KCNN3: variants seen among roughly 807,000 people sequenced by gnomAD.
KCNN3 encodes small conductance calcium-activated potassium channel protein 3.
KCNN3 carries 16 observed loss-of-function variants against 62.9 expected under a neutral mutation model. The observed-to-expected ratio is 0.25, with a 90% confidence interval of 0.17 to 0.39. KCNN3 has a LOEUF of 0.39. KCNN3 is among the 10% of genes least tolerant of loss of function. The probability of loss-of-function intolerance (pLI) is 1.00; values close to 1 mark genes in which losing one functional copy is unlikely to be tolerated. For missense variants in KCNN3, 599 were observed against 949.4 expected, an observed-to-expected ratio of 0.63 and a Z score of 4.85; for synonymous variants, 370 against 389.2, an observed-to-expected ratio of 0.95 and a Z score of 0.58.
intron 3 of KCNN3, among the ~76,000 whole-genome samples, chr1:154,766,590 G>T (rs1387903593): frequency 1.3e-5 from 2 of 149,766 alleles, no homozygotes; most frequent in Non-Finnish European, 3.0e-5. Context: ...GTTCTGCTCA[G>T]CCTACAGGGT....
At chr1:154,860,943 C>T (rs1443489879) in intron 1 of KCNN3, among the ~76,000 whole-genome samples, 2 of 148,854 alleles carry the variant, frequency 1.3e-5, no homozygotes, top group East Asian at 2.0e-4. Flanking sequence ...CACTGGTGTG[C>T]CACCCAAGTT....
At chr1:154,815,889 G>A (rs1018621978) in intron 2 of KCNN3, among the ~76,000 whole-genome samples, 7 of 152,232 alleles carry the variant, frequency 4.6e-5, no homozygotes, top group Middle Eastern at 3.4e-3. Context: ...CTCATTTAGC[G>A]GTGGGACCCC....
rs576968004 is a variant in KCNN3 at position 154,869,828 on chromosome 1, G to T, written c.137C>A (p.Ala46Glu). The T allele has an allele frequency of 3.2e-6, 5 of 1,563,660 alleles. No individual in the cohort carries two copies. The highest frequency in any genetic ancestry group is 2.3e-5 in the South Asian group (2 of 85,616). The change falls in exon 1 of 8, where the codon GCG becomes GAG. Residue 46 changes from alanine (A) to glutamate (E), a missense_variant. Coordinates refer to ENST00000271915, the MANE Select transcript of KCNN3 (RefSeq NM_002249.6). The surrounding 1 kb of genome is among the most constrained non-coding windows in gnomAD (Gnocchi z 6.1). ...GGGCTGCTGGGGGGCTGCTGGTGGCGCTGGCGGTGGTGGCTGCTGCTGCTG... is the reference window on the plus strand; with the variant it reads ...GGGCTGCTGGGGGGCTGCTGGTGGCTCTGGCGGTGGTGGCTGCTGCTGCTG... ...QQQQQQPPPP[A>E]PPAAPQQPLG...
intron 1 of KCNN3, 81 bp from the exon 2 acceptor site, chr1:154,822,265 A>G (rs1650932591): frequency 1.9e-6 from 2 of 1,057,706 alleles, no homozygotes; most frequent in South Asian, 2.6e-5. Context: ...TGTAAAAGAG[A>G]AGGGGTGGGG....
At chr1:154,790,342 G>A (rs949409694) in intron 2 of KCNN3, among the ~76,000 whole-genome samples, 28 of 152,200 alleles carry the variant, frequency 1.8e-4, no homozygotes, top group Non-Finnish European at 3.7e-4. Context: ...TGATGAGCCC[G>A]TTGTAAATTG....
intron 1 of KCNN3, among the ~76,000 whole-genome samples, chr1:154,827,897 A>G (rs770584455): frequency 6.6e-6 from 1 of 152,166 alleles, no homozygotes; most frequent in Non-Finnish European, 1.5e-5. Flanking sequence ...GGCTCCTACC[A>G]GAAGTCAGCT....
intron 2 of KCNN3, among the ~76,000 whole-genome samples, chr1:154,797,132 C>T (rs1314045519): frequency 6.6e-6 from 1 of 152,208 alleles, no homozygotes; most frequent in Non-Finnish European, 1.5e-5. Context: ...CCTCGTCCCT[C>T]CCCCTAGAAC....
At chr1:154,725,727 T>C (rs935957127) in intron 5 of KCNN3, among the ~76,000 whole-genome samples, 189 bp downstream of exon 5, 4 of 152,088 alleles carry the variant, frequency 2.6e-5, no homozygotes, top group African/African-American at 4.8e-5. Flanking sequence ...GTATTTTTAG[T>C]AGAGATGGGG....
chr1:154,760,444 A>ACAGGAGC, intron 3 of KCNN3, among the ~76,000 whole-genome samples: 1 of 151,304 alleles, frequency 6.6e-6, no homozygotes, highest in Non-Finnish European at 1.5e-5. Context: ...CCCACTCGAG[A>ACAGGAGC]CAGGAGCCAG....
chr1:154,845,482 G>A (rs1008977208), intron 1 of KCNN3, among the ~76,000 whole-genome samples: 6 of 152,132 alleles, frequency 3.9e-5, no homozygotes, highest in East Asian at 1.9e-4. Flanking sequence ...CTACACCCCC[G>A]GGCCCAAGAG....
chr1:154,699,563 A>G lies in KCNN3; in HGVS notation c.*8413T>C, dbSNP rs1699808458. On this transcript the variant is annotated 3_prime_UTR_variant, in exon 8 of 8. Coordinates refer to ENST00000271915, the MANE Select transcript of KCNN3 (RefSeq NM_002249.6). ...ATTTAGAACATAACTGTTTCTGGGT[A>G]CATATCGAGTTATGGCGCCAATATC... 6.6e-6 allele frequency: 1 copy of G among 152,218 alleles called. No individual in the cohort carries two copies. The highest frequency in any genetic ancestry group is 2.1e-4 in the South Asian group (1 of 4,838). 9.4% of individuals were successfully genotyped at this position (152,218 alleles called of 1,614,324 possible). A position where few individuals can be genotyped will look rare whatever the true frequency, so the allele number is the denominator to read the frequency against.
chr1:154,825,905 G>A (rs940664994), intron 1 of KCNN3, among the ~76,000 whole-genome samples: 1 of 151,516 alleles, frequency 6.6e-6, no homozygotes, highest in African/African-American at 2.4e-5. Context: ...AAAATTAGCG[G>A]GACGTGGTGG....
intron 1 of KCNN3, among the ~76,000 whole-genome samples, chr1:154,841,017 G>GCCCCTGCGGGGTCAGGCCCC (rs1553239300): frequency 2.0e-5 from 3 of 152,088 alleles, no homozygotes; most frequent in Non-Finnish European, 4.4e-5. Context: ...GGGCAGGCCT[G>GCCCCTGCGGGGTCAGGCCCC]CCCCTGCGGG....
chr1:154,782,171 C>A (rs1244585618), intron 2 of KCNN3, among the ~76,000 whole-genome samples: 1 of 152,168 alleles, frequency 6.6e-6, no homozygotes, highest in Non-Finnish European at 1.5e-5. Flanking sequence ...ATCATTGGGA[C>A]CTTGGATGTC....
intron 2 of KCNN3, among the ~76,000 whole-genome samples, chr1:154,790,127 A>G (rs1649447333): frequency 1.3e-5 from 2 of 152,150 alleles, no homozygotes; most frequent in Non-Finnish European, 1.5e-5. Context: ...ATATGGCAAC[A>G]TATATGTTGG....
At chr1:154,759,770 A>G (rs1190376490) in intron 3 of KCNN3, among the ~76,000 whole-genome samples, 2 of 152,198 alleles carry the variant, frequency 1.3e-5, no homozygotes, top group Admixed American at 1.3e-4. Context: ...TTCCCAGCAG[A>G]AGAGAGTGAA....
At chr1:154,782,895 C>T (rs561963874) in intron 2 of KCNN3, among the ~76,000 whole-genome samples, 2 of 152,326 alleles carry the variant, frequency 1.3e-5, no homozygotes, top group South Asian at 2.1e-4. Flanking sequence ...GGGGGCTGGC[C>T]AGTTTGGGCT....
intron 1 of KCNN3, among the ~76,000 whole-genome samples, chr1:154,825,908 C>T (rs1251236697): frequency 1.3e-5 from 2 of 151,304 alleles, no homozygotes; most frequent in Non-Finnish European, 2.9e-5. Flanking sequence ...ATTAGCGGGA[C>T]GTGGTGGCAG....
At chr1:154,794,754 G>C (rs1034687355) in intron 2 of KCNN3, among the ~76,000 whole-genome samples, 3 of 152,180 alleles carry the variant, frequency 2.0e-5, no homozygotes, top group Non-Finnish European at 4.4e-5. Flanking sequence ...ATTGTGCATG[G>C]AGGTGGCACT....
Sources: gnomAD v4.1 joint callset for allele counts (sites outside exome capture counted in the v4.1 genomes callset) on GRCh38, gnomAD v4.1.1 for gene constraint, Gnocchi (gnomAD v3.1) non-coding constraint, MANE v1.5 for transcripts, NCBI Gene and HGNC (gene_info 2026-07-23, HGNC 2026-07-21) for gene names.